Variants in PAM observed in about 807,000 individuals in gnomAD.
PAM encodes the protein peptidyl-glycine alpha-amidating monooxygenase.
Under a neutral mutation model 122.1 loss-of-function variants are expected in PAM, and 72 were observed. That is an observed-to-expected ratio of 0.59 (90% CI 0.49 to 0.72). The LOEUF is 0.72. Among genes scored for constraint, PAM ranks in the 30% least tolerant of loss-of-function variants. The pLI, the probability that PAM is intolerant of heterozygous loss-of-function variation, is 0.00. For synonymous variants in PAM, 389 were observed against 404.4 expected (o/e 0.96, Z 0.46); for missense variants, 1,106 against 1,183.7 (o/e 0.93, Z 0.96).
intron 23 of PAM, among the ~76,000 whole-genome samples, chr5:103,022,602 C>A (rs1407291678): frequency 6.6e-6 from 1 of 152,154 alleles, no homozygotes; most frequent in Non-Finnish European, 1.5e-5. Context: ...GGCTTGCACT[C>A]TTATAAGATT....
chr5:102,867,797 G>A (rs1786075286), intron 3 of PAM, among the ~76,000 whole-genome samples: 1 of 152,110 alleles, frequency 6.6e-6, no homozygotes, highest in Non-Finnish European at 1.5e-5. Context: ...GCAACCACAA[G>A]TCAAGAAATA....
At chr5:102,776,115 G>T (rs1165115040) in intron 1 of PAM, among the ~76,000 whole-genome samples, 1 of 152,034 alleles carries the variant, frequency 6.6e-6, no homozygotes, top group Non-Finnish European at 1.5e-5. Context: ...TTTTTCATAT[G>T]TTTGTTGGCC....
At chr5:102,946,987 C>A in intron 8 of PAM, 102 bp downstream of exon 8, 1 of 779,852 alleles carries the variant, frequency 1.3e-6, no homozygotes. Flanking sequence ...AAAAATTAAC[C>A]TAAACTGGGT....
chr5:102,949,243 G>A (rs890741976), intron 9 of PAM, among the ~76,000 whole-genome samples: 3 of 151,902 alleles, frequency 2.0e-5, no homozygotes, highest in Admixed American at 2.0e-4. Context: ...TTTCTCAACT[G>A]GATAAATTTC....
chr5:102,969,143 T>C (rs1032180552), intron 14 of PAM, among the ~76,000 whole-genome samples: 1 of 151,974 alleles, frequency 6.6e-6, no homozygotes, highest in Non-Finnish European at 1.5e-5. Flanking sequence ...ATGTAGATGA[T>C]GGGTTGATGG....
At chr5:102,938,327 A>G (rs1042360939) in intron 7 of PAM, among the ~76,000 whole-genome samples, 8 of 152,180 alleles carry the variant, frequency 5.3e-5, no homozygotes, top group African/African-American at 1.9e-4. Context: ...AAATATGGCC[A>G]TTATGTATCA....
chr5:102,809,188 T>C (rs889674960), intron 1 of PAM, among the ~76,000 whole-genome samples: 5 of 151,982 alleles, frequency 3.3e-5, no homozygotes, highest in Non-Finnish European at 5.9e-5. Flanking sequence ...TTCTTCTTGA[T>C]TCCCAAGGAA....
At chr5:102,839,635 T>A (rs12187265) in intron 1 of PAM, among the ~76,000 whole-genome samples, 2,952 of 151,938 alleles carry the variant, frequency 0.019, 46 homozygotes, top group Non-Finnish European at 0.033. Flanking sequence ...TCAAATGAAA[T>A]GTTATAGAGG....
At chr5:103,000,926 A>G (rs1777194709) in intron 16 of PAM, among the ~76,000 whole-genome samples, 1 of 152,188 alleles carries the variant, frequency 6.6e-6, no homozygotes, top group South Asian at 2.1e-4. Flanking sequence ...ACTTATGTAA[A>G]GTCTCAGTAC....
At chr5:102,783,705 C>T (rs1346232471) in intron 1 of PAM, among the ~76,000 whole-genome samples, 1 of 151,966 alleles carries the variant, frequency 6.6e-6, no homozygotes, top group Non-Finnish European at 1.5e-5. Flanking sequence ...TTTGAGTATC[C>T]CTTGGGATGT....
intron 1 of PAM, among the ~76,000 whole-genome samples, chr5:102,840,915 T>C (rs1202691901): frequency 3.3e-5 from 5 of 152,180 alleles, no homozygotes; most frequent in Admixed American, 6.6e-5. Context: ...GTTCTTGTGA[T>C]GAAGGTGAAA....
At chr5:102,925,765 AGAG>A (rs1430829429) in intron 6 of PAM, among the ~76,000 whole-genome samples, 1 of 151,646 alleles carries the variant, frequency 6.6e-6, no homozygotes, top group African/African-American at 2.4e-5. Flanking sequence ...ATACATTGGT[AGAG>A]GAGATTTGTT....
At chr5:102,849,445 C>T (rs963127559) in intron 1 of PAM, among the ~76,000 whole-genome samples, 1 of 151,330 alleles carries the variant, frequency 6.6e-6, no homozygotes, top group African/African-American at 2.4e-5. Context: ...GTAGTCCCAG[C>T]TACTTGGGAG....
intron 3 of PAM, among the ~76,000 whole-genome samples, chr5:102,898,470 T>C (rs759829336): frequency 6.6e-6 from 1 of 151,652 alleles, no homozygotes; most frequent in East Asian, 1.9e-4. Flanking sequence ...AAGACTATTA[T>C]AATGGGCAAT....
At chr5:102,849,762 A>G (rs1218742977) in intron 1 of PAM, among the ~76,000 whole-genome samples, 1 of 152,114 alleles carries the variant, frequency 6.6e-6, no homozygotes, top group Non-Finnish European at 1.5e-5. Context: ...TAAGAAGTCA[A>G]TAGATAATTA....
At chr5:102,908,690 A>G (rs1307171293) in intron 4 of PAM, among the ~76,000 whole-genome samples, 1 of 151,704 alleles carries the variant, frequency 6.6e-6, no homozygotes, top group Non-Finnish European at 1.5e-5. Flanking sequence ...CACAATCTGC[A>G]TATGTACCCT....
chr5:102,813,451 C>T (rs1768593935), intron 1 of PAM, among the ~76,000 whole-genome samples: 1 of 152,172 alleles, frequency 6.6e-6, no homozygotes, highest in African/African-American at 2.4e-5. Flanking sequence ...AGTTATCCTA[C>T]GTCGTAACTA....
intron 12 of PAM, among the ~76,000 whole-genome samples, chr5:102,954,480 G>C (rs1401426828): frequency 6.6e-6 from 1 of 151,226 alleles, no homozygotes; most frequent in East Asian, 1.9e-4. Flanking sequence ...TTTAATATGA[G>C]ATATATTAAT....
At chr5:102,818,265 A>G (rs888812948) in intron 1 of PAM, among the ~76,000 whole-genome samples, 6 of 152,118 alleles carry the variant, frequency 3.9e-5, no homozygotes, top group African/African-American at 1.4e-4. Flanking sequence ...ATGTAGCAAC[A>G]TAACAAAGAG....
Sources: gnomAD v4.1 joint callset for allele counts (sites outside exome capture counted in the v4.1 genomes callset) on GRCh38, gnomAD v4.1.1 for gene constraint, MANE v1.5 for transcripts, NCBI Gene and HGNC (gene_info 2026-07-23, HGNC 2026-07-21) for gene names.